The following CDKAL1 variants were observed in gnomAD, a reference collection of about 807,000 sequenced individuals.
The protein encoded by CDKAL1 is threonylcarbamoyladenosine tRNA methylthiotransferase.
CDKAL1 carries 32 observed loss-of-function variants against 68.2 expected under a neutral mutation model. The ratio of observed to expected loss-of-function variants is 0.47; its 90% CI spans 0.35 to 0.63. CDKAL1 has a LOEUF of 0.63. CDKAL1 is among the 30% of genes least tolerant of loss of function. CDKAL1 has a pLI of 0.00. For missense variants in CDKAL1, 606 were observed against 696.7 expected (o/e 0.87, Z 1.47); for synonymous variants, 234 against 244.3 (o/e 0.96, Z 0.39).
chr6:20,600,787 T>TATAC (rs1432802885), intron 4 of CDKAL1, among the ~76,000 whole-genome samples: 9 of 146,906 alleles, frequency 6.1e-5, no homozygotes, highest in African/African-American at 2.0e-4. Flanking sequence ...TATATATATA[T>TATAC]ACACACACAC....
At chr6:20,988,281 A>G (rs1321659447) in intron 10 of CDKAL1, among the ~76,000 whole-genome samples, 1 of 150,204 alleles carries the variant, frequency 6.7e-6, no homozygotes, top group East Asian at 2.0e-4. Flanking sequence ...AAAGGATTGG[A>G]TGCTACCCAC....
At chr6:20,600,392 C>T (rs1766030063) in intron 4 of CDKAL1, among the ~76,000 whole-genome samples, 2 of 152,084 alleles carry the variant, frequency 1.3e-5, no homozygotes, top group East Asian at 1.9e-4. Context: ...AGGAAAAGCA[C>T]ACCTCTTATT....
chr6:20,624,736 GCTA>G (rs749898845), intron 4 of CDKAL1, among the ~76,000 whole-genome samples: 1 of 152,060 alleles, frequency 6.6e-6, no homozygotes, highest in Non-Finnish European at 1.5e-5. Flanking sequence ...TAGATGGCAT[GCTA>G]CTCAATTTTT....
intron 4 of CDKAL1, among the ~76,000 whole-genome samples, chr6:20,581,448 A>G (rs762014199): frequency 2.6e-5 from 4 of 152,178 alleles, no homozygotes; most frequent in Non-Finnish European, 5.9e-5. Context: ...TTCCTTGTTA[A>G]TGTTTGGGGC....
At chr6:21,108,298 A>AAAT in intron 12 of CDKAL1, 103 bp from the exon 13 acceptor site, 1 of 624,770 alleles carries the variant, frequency 1.6e-6, no homozygotes. Flanking sequence ...AAAAAAAAAA[A>AAAT]CTTTATGTAT....
chr6:20,862,662 T>TGTGTGTGC (rs1554132203), intron 9 of CDKAL1, among the ~76,000 whole-genome samples: 15 of 133,782 alleles, frequency 1.1e-4, no homozygotes, highest in East Asian at 4.5e-4. Context: ...TGTGTGTGTG[T>TGTGTGTGC]GCGCGCGTGC....
At chr6:20,901,357 A>G (rs370970269) in intron 9 of CDKAL1, among the ~76,000 whole-genome samples, 10 of 152,034 alleles carry the variant, frequency 6.6e-5, no homozygotes, top group East Asian at 1.9e-4. Flanking sequence ...GGACATAACT[A>G]TGTCACCAGC....
At chr6:20,707,027 C>T (rs988098627) in intron 5 of CDKAL1, among the ~76,000 whole-genome samples, 2 of 152,048 alleles carry the variant, frequency 1.3e-5, no homozygotes, top group African/African-American at 4.8e-5. Flanking sequence ...TCCTGAACAA[C>T]GTTATTTAGA....
intron 5 of CDKAL1, among the ~76,000 whole-genome samples, chr6:20,665,206 T>A (rs1024456348): frequency 3.3e-5 from 5 of 152,118 alleles, no homozygotes; most frequent in Non-Finnish European, 5.9e-5. Context: ...AATCCTCTTA[T>A]ATAAAAAGTG....
chr6:20,683,417 G>A (rs941169387), intron 5 of CDKAL1, among the ~76,000 whole-genome samples: 1 of 152,074 alleles, frequency 6.6e-6, no homozygotes, highest in African/African-American at 2.4e-5. Flanking sequence ...TTCAGCATTT[G>A]GTTTAAAAGT....
At chr6:20,959,767 G>T (rs565330725) in intron 10 of CDKAL1, among the ~76,000 whole-genome samples, 71 of 152,014 alleles carry the variant, frequency 4.7e-4, no homozygotes, top group African/African-American at 1.7e-3. Flanking sequence ...AATAACCTTT[G>T]CATATTCCTC....
At chr6:20,922,300 T>C (rs993299704) in intron 9 of CDKAL1, among the ~76,000 whole-genome samples, 3 of 152,202 alleles carry the variant, frequency 2.0e-5, no homozygotes, top group African/African-American at 7.2e-5. Context: ...GTTTTTGACA[T>C]TTTAGGCTAC....
chr6:20,979,898 A>G (rs1212341440), intron 10 of CDKAL1, among the ~76,000 whole-genome samples: 2 of 151,382 alleles, frequency 1.3e-5, no homozygotes, highest in Non-Finnish European at 2.9e-5. Flanking sequence ...CAGCCTCCTA[A>G]GTAGCAGGGA....
At chr6:20,545,219 G>A (rs1050152348) in intron 2 of CDKAL1, among the ~76,000 whole-genome samples, 9 of 151,786 alleles carry the variant, frequency 5.9e-5, no homozygotes, top group African/African-American at 1.9e-4. Context: ...TAGCCAGTCT[G>A]CCTTATGCTT....
chr6:20,740,741 A>G (rs1773419267), intron 6 of CDKAL1, among the ~76,000 whole-genome samples: 2 of 152,180 alleles, frequency 1.3e-5, no homozygotes, highest in African/African-American at 4.8e-5. Context: ...AGCAAATTTA[A>G]TAATCTTTGA....
chr6:21,196,138 A>G (rs913904929), intron 13 of CDKAL1, among the ~76,000 whole-genome samples: 3 of 152,246 alleles, frequency 2.0e-5, no homozygotes, highest in African/African-American at 7.2e-5. Context: ...GATTCTAAGA[A>G]GAAGAAAGAA....
At position 20,576,473 on chromosome 6, in the gene CDKAL1, A is replaced by G. The variant is rs369389319; in HGVS notation, c.286+27768A>G. On this transcript the variant is annotated intron_variant, in intron 4 of 15. Coordinates refer to ENST00000274695, the MANE Select transcript of CDKAL1 (RefSeq NM_017774.3). ...TGAAAATTTTATGCTCTTTGAAATC[A>G]GGTATGAAGTATAATAAAAATCAAC... Among the ~76,000 whole-genome samples, 14 of 152,354 alleles carry G rather than the reference A, an allele frequency of 9.2e-5. No homozygotes were observed. The South Asian group carries it at 2.9e-3, about 32-fold the overall frequency.
At chr6:20,597,487 T>C (rs902385637) in intron 4 of CDKAL1, among the ~76,000 whole-genome samples, 1 of 152,028 alleles carries the variant, frequency 6.6e-6, no homozygotes, top group African/African-American at 2.4e-5. Flanking sequence ...TAATATTGGC[T>C]CACTGCAACC....
intron 10 of CDKAL1, among the ~76,000 whole-genome samples, chr6:20,986,592 T>C (rs986267540): frequency 4.0e-5 from 6 of 151,898 alleles, no homozygotes; most frequent in African/African-American, 1.5e-4. Context: ...AACCCTCAAA[T>C]GTACAATTCT....
Sources: allele counts gnomAD v4.1 joint callset (sites outside exome capture counted in the v4.1 genomes callset), GRCh38; gene constraint gnomAD v4.1.1; transcripts MANE v1.5; gene names NCBI Gene and HGNC (gene_info 2026-07-23, HGNC 2026-07-21).